ROR1: variants seen among roughly 807,000 people sequenced by gnomAD.
The protein encoded by ROR1 is ROR family WNT receptor 1.
Under a neutral mutation model 78.8 loss-of-function variants are expected in ROR1, and 19 were observed. The observed-to-expected ratio is 0.24, with a 90% CI of 0.17 to 0.35. ROR1 has a LOEUF of 0.35. ROR1 is among the 10% of genes least tolerant of loss of function. ROR1 has a pLI of 1.00. For synonymous variants in ROR1, 386 were observed against 433.6 expected (o/e 0.89, Z 1.36); for missense variants, 917 against 1,177.8 (o/e 0.78, Z 3.24).
chr1:64,067,762 G>C (rs1443489526), intron 4 of ROR1, among the ~76,000 whole-genome samples: 1 of 136,948 alleles, frequency 7.3e-6, no homozygotes, highest in Admixed American at 8.0e-5. Flanking sequence ...ACCGAGGCTA[G>C]AGTGCAGTGG....
At chr1:63,994,809 C>G (rs538969379) in intron 1 of ROR1, among the ~76,000 whole-genome samples, 1 of 152,350 alleles carries the variant, frequency 6.6e-6, no homozygotes, top group South Asian at 2.1e-4. Flanking sequence ...CTCTTATCAG[C>G]CAGAGATCAA....
At chr1:64,153,167 A>G (rs1557676558) in intron 7 of ROR1, among the ~76,000 whole-genome samples, 1 of 152,186 alleles carries the variant, frequency 6.6e-6, no homozygotes, top group Non-Finnish European at 1.5e-5. Context: ...AAGCATATGA[A>G]AAGATGTTCA....
At chr1:63,827,359 TA>T (rs2100293906) in intron 1 of ROR1, among the ~76,000 whole-genome samples, 1 of 152,262 alleles carries the variant, frequency 6.6e-6, no homozygotes, top group South Asian at 2.1e-4. Context: ...AACCTTTGCC[TA>T]CAGGTGCTGT....
At position 64,178,028 on chromosome 1, in the gene ROR1, G is replaced by A. The variant is rs771604043; in HGVS notation, c.1987G>A (p.Ala663Thr). 1 of 1,614,170 alleles carries A rather than the reference G, an allele frequency of 6.2e-7. No homozygotes were observed. ...LLPIRWMPPE[A>T]IMYGKFSSDS... ...GCCCATTCGCTGGATGCCCCCTGAA[G>A]CCATCATGTATGGCAAATTCTCTTC... The change falls in exon 9 of 9, where the codon GCC becomes ACC. Residue 663 changes from alanine (A) to threonine (T), a missense_variant. Around this residue, in one of 3 missense-constraint regions of ROR1, gnomAD observed 835 missense variants for 1,069.8 expected, o/e 0.78. Coordinates refer to ENST00000371079, the MANE Select transcript of ROR1 (RefSeq NM_005012.4). The surrounding 1 kb of genome is among the most constrained non-coding windows in gnomAD (Gnocchi z 4.3).
chr1:64,122,685 G>A (rs1465599733), intron 4 of ROR1, among the ~76,000 whole-genome samples: 2 of 152,148 alleles, frequency 1.3e-5, no homozygotes, highest in Non-Finnish European at 2.9e-5. Context: ...ACATCTGTCT[G>A]GTAGAGGACA....
In ROR1 at chr1:63,843,475, CA is replaced by C; in HGVS notation, c.91+68970del. On this transcript the variant is annotated intron_variant, in intron 1 of 8. Transcript: ENST00000371079. ...CAGTCCTTATCTGGCAGCATCCTGACAAAGGTGGTGTAGGGGTCGTCGATGG... is the reference window on the plus strand; with the variant it reads ...CAGTCCTTATCTGGCAGCATCCTGACAAGGTGGTGTAGGGGTCGTCGATGG... 6 of 770,202 alleles carry C rather than the reference CA, an allele frequency of 7.8e-6. No homozygotes were observed. The South Asian group carries it at 8.1e-5, about 10-fold the overall frequency. The allele number at this position is 770,202 out of a possible 1,614,324, so 47.7% of individuals were successfully genotyped here.
chr1:63,974,805 A>G (rs1249227038), intron 1 of ROR1, among the ~76,000 whole-genome samples: 2 of 152,084 alleles, frequency 1.3e-5, no homozygotes, highest in African/African-American at 4.8e-5. Flanking sequence ...ACCACCGGCT[A>G]CCAACTCTTA....
At chr1:64,115,341 G>A (rs1438947031) in intron 4 of ROR1, among the ~76,000 whole-genome samples, 4 of 151,968 alleles carry the variant, frequency 2.6e-5, no homozygotes, top group Admixed American at 6.6e-5. Flanking sequence ...TCAGCCTCCC[G>A]AAGAGCTGGG....
At chr1:64,015,580 C>T (rs529667665) in intron 2 of ROR1, among the ~76,000 whole-genome samples, 18 of 152,292 alleles carry the variant, frequency 1.2e-4, no homozygotes, top group African/African-American at 4.3e-4. Flanking sequence ...TGATGCTTAG[C>T]TAGTCAGAAT....
chr1:63,897,194 T>G (rs1476819857), intron 1 of ROR1, among the ~76,000 whole-genome samples: 1 of 152,252 alleles, frequency 6.6e-6, no homozygotes, highest in East Asian at 1.9e-4. Flanking sequence ...TCTAGCAAGT[T>G]TATGGCTTTC....
In ROR1 at chr1:63,954,849, C is replaced by G. The variant is rs1645968449; in HGVS notation, c.92-54456C>G. Among the ~76,000 whole-genome samples the G allele has an allele frequency of 2.6e-5, 4 of 152,042 alleles. No individual in the cohort carries two copies. In the South Asian group the frequency reaches 8.3e-4, roughly 32 times the overall value. On this transcript the variant is annotated intron_variant, in intron 1 of 8. Transcript: ENST00000371079. Reference sequence around the variant, plus strand: ...TGGATTTTGGTATCTGTTGGGGGTCCTGGAACCAATCCCCCAAGATACCAA... The same window carrying G: ...TGGATTTTGGTATCTGTTGGGGGTCGTGGAACCAATCCCCCAAGATACCAA...
At chr1:63,866,068 A>G (rs1264324179) in intron 1 of ROR1, among the ~76,000 whole-genome samples, 1 of 152,158 alleles carries the variant, frequency 6.6e-6, no homozygotes, top group African/African-American at 2.4e-5. Flanking sequence ...CAGAGAGGTT[A>G]CTGGTCATGT....
At chr1:64,167,543 T>C (rs757204891) in intron 8 of ROR1, among the ~76,000 whole-genome samples, 4 of 152,238 alleles carry the variant, frequency 2.6e-5, no homozygotes, top group Non-Finnish European at 4.4e-5. Context: ...GGCTGTGGCC[T>C]CTAAGCTTTT....
At chr1:64,006,165 A>G (rs1013388843) in intron 1 of ROR1, among the ~76,000 whole-genome samples, 2 of 152,236 alleles carry the variant, frequency 1.3e-5, no homozygotes, top group Non-Finnish European at 1.5e-5. Flanking sequence ...AAATGAAACT[A>G]TATTTCTGGC....
intron 1 of ROR1, among the ~76,000 whole-genome samples, chr1:63,838,413 A>ATTTC (rs1215947886): frequency 6.6e-6 from 1 of 151,992 alleles, no homozygotes; most frequent in African/African-American, 2.4e-5. Context: ...GTGGAGGTGG[A>ATTTC]AGACAGTGAT....
chr1:63,972,879 A>G (rs1358778265), intron 1 of ROR1, among the ~76,000 whole-genome samples: 1 of 152,254 alleles, frequency 6.6e-6, no homozygotes, highest in African/African-American at 2.4e-5. Context: ...TTTATAGTCA[A>G]TGTTGCCAAC....
chr1:64,050,100 AC>A, intron 3 of ROR1, 122 bp downstream of exon 3: 1 of 1,110,810 alleles, frequency 9.0e-7, no homozygotes, highest in South Asian at 1.5e-5. Context: ...TGTGCCCACA[AC>A]CCTAAACCTG....
At chr1:64,128,223 G>T (rs1182200603) in intron 4 of ROR1, among the ~76,000 whole-genome samples, 1 of 150,458 alleles carries the variant, frequency 6.6e-6, no homozygotes, top group Non-Finnish European at 1.5e-5. Flanking sequence ...GGGAGATCAA[G>T]GTGGGAGGAT....
intron 1 of ROR1, among the ~76,000 whole-genome samples, chr1:63,816,988 C>T (rs1023009092): frequency 1.2e-4 from 19 of 152,172 alleles, no homozygotes; most frequent in Admixed American, 7.9e-4. Flanking sequence ...AGATAGGCAT[C>T]GTTCCTGACC....
Sources: gnomAD v4.1 joint callset for allele counts (sites outside exome capture counted in the v4.1 genomes callset) on GRCh38, gnomAD v4.1.1 for gene constraint, gnomAD v4.1.1 regional missense constraint, Gnocchi (gnomAD v3.1) non-coding constraint, MANE v1.5 for transcripts, NCBI Gene and HGNC (gene_info 2026-07-23, HGNC 2026-07-21) for gene names.